Variants in CAMKMT observed in about 807,000 individuals in gnomAD.
CAMKMT encodes the protein calmodulin-lysine N-methyltransferase, also known as CaM KMT.
Under a neutral mutation model 48.0 loss-of-function variants are expected in CAMKMT, and 53 were observed. The observed-to-expected ratio is 1.10, with a 90% CI of 0.89 to 1.39. The LOEUF (loss-of-function observed/expected upper bound fraction) is 1.39, where lower values mean the gene tolerates loss of function less well. Among genes scored for constraint, CAMKMT ranks in the 40% most tolerant of loss-of-function variants. The probability of loss-of-function intolerance (pLI) is 0.00; values close to 1 mark genes in which losing one functional copy is unlikely to be tolerated. For synonymous variants in CAMKMT, 165 were observed against 152.3 expected, an observed-to-expected ratio of 1.08 and a Z score of -0.61; for missense variants, 428 against 402.7, an observed-to-expected ratio of 1.06 and a Z score of -0.54.
intron 3 of CAMKMT, among the ~76,000 whole-genome samples, chr2:44,527,308 T>G (rs1444212469): frequency 6.9e-6 from 1 of 144,364 alleles, no homozygotes; most frequent in Non-Finnish European, 1.5e-5. Flanking sequence ...ACATATATTA[T>G]TATATATTAT....
chr2:44,472,841 T>C (rs920288459), intron 3 of CAMKMT, among the ~76,000 whole-genome samples: 3 of 152,270 alleles, frequency 2.0e-5, no homozygotes, highest in African/African-American at 7.2e-5. Context: ...TATATTTATT[T>C]AGATACATTT....
intron 3 of CAMKMT, among the ~76,000 whole-genome samples, chr2:44,397,865 T>C (rs192453480): frequency 7.7e-4 from 118 of 152,328 alleles, no homozygotes; most frequent in African/African-American, 2.7e-3. Context: ...CCTTTGTAGA[T>C]TCATATGCCT....
intron 3 of CAMKMT, among the ~76,000 whole-genome samples, chr2:44,459,890 G>A (rs1283410268): frequency 1.3e-5 from 2 of 152,174 alleles, no homozygotes; most frequent in East Asian, 3.9e-4. Context: ...GGGTGCTGGG[G>A]ATGGTAGTTA....
At chr2:44,674,125 A>G (rs919188117) in intron 3 of CAMKMT, among the ~76,000 whole-genome samples, 3 of 152,230 alleles carry the variant, frequency 2.0e-5, no homozygotes, top group African/African-American at 7.2e-5. Flanking sequence ...ACTAAATTTG[A>G]CGTTCCTGTC....
At chr2:44,412,518 G>T (rs997811723) in intron 3 of CAMKMT, among the ~76,000 whole-genome samples, 1 of 151,930 alleles carries the variant, frequency 6.6e-6, no homozygotes, top group Admixed American at 6.6e-5. Context: ...TGTATTTTTA[G>T]TAGAGACAGC....
intron 2 of CAMKMT, among the ~76,000 whole-genome samples, chr2:44,375,754 A>G (rs1320880079): frequency 2.6e-5 from 4 of 151,872 alleles, no homozygotes; most frequent in East Asian, 3.9e-4. Flanking sequence ...TTATCAATAT[A>G]TATTATATGG....
At chr2:44,404,453 A>G (rs6650794) in intron 3 of CAMKMT, among the ~76,000 whole-genome samples, 2 of 151,988 alleles carry the variant, frequency 1.3e-5, no homozygotes, top group Non-Finnish European at 2.9e-5. Context: ...TCCCCTCCAG[A>G]TATCTTTTGC....
chr2:44,585,768 G>A (rs181306069), intron 3 of CAMKMT, among the ~76,000 whole-genome samples: 1 of 152,302 alleles, frequency 6.6e-6, no homozygotes, highest in Non-Finnish European at 1.5e-5. Flanking sequence ...GATGGGAACA[G>A]CTAGGCCATA....
At chr2:44,567,018 G>A (rs1572817485) in intron 3 of CAMKMT, among the ~76,000 whole-genome samples, 1 of 152,260 alleles carries the variant, frequency 6.6e-6, no homozygotes, top group East Asian at 1.9e-4. Flanking sequence ...AAGCTTGGGG[G>A]AAAAGAATAG....
At chr2:44,723,374 C>G (rs1434918188) in intron 7 of CAMKMT, among the ~76,000 whole-genome samples, 2 of 151,996 alleles carry the variant, frequency 1.3e-5, no homozygotes, top group African/African-American at 4.8e-5. Context: ...GGGTGGATCA[C>G]GAAGTTGGGA....
rs1266867293 is a variant in CAMKMT, at chr2:44,530,012, CA to C, written c.376+139712del. 2.0e-5 allele frequency among the ~76,000 whole-genome samples: 3 copies of C among 152,040 alleles called. No homozygotes were observed. In the East Asian group the frequency reaches 5.8e-4, roughly 29 times the overall value. Reference sequence around the variant, plus strand: ...AAACCTGTCAGGTATTTATGAATAGCAAAAATTAATTTCCCCTAGTTCTGTC... The same window carrying C: ...AAACCTGTCAGGTATTTATGAATAGCAAAATTAATTTCCCCTAGTTCTGTC... On this transcript the variant is annotated intron_variant, in intron 3 of 10. Coordinates refer to ENST00000378494, the MANE Select transcript of CAMKMT (RefSeq NM_024766.5).
intron 3 of CAMKMT, among the ~76,000 whole-genome samples, chr2:44,650,879 G>C (rs754875976): frequency 6.6e-6 from 1 of 151,152 alleles, no homozygotes; most frequent in African/African-American, 2.4e-5. Flanking sequence ...GGAAATGACA[G>C]ACTGGAAACA....
chr2:44,372,466 C>CAA (rs35734499), intron 1 of CAMKMT, among the ~76,000 whole-genome samples: 2 of 136,406 alleles, frequency 1.5e-5, no homozygotes, highest in Non-Finnish European at 3.1e-5. Flanking sequence ...GATCCTGTCT[C>CAA]AAAAAAAAAA....
intron 7 of CAMKMT, among the ~76,000 whole-genome samples, chr2:44,723,407 A>G (rs1226885839): frequency 6.6e-6 from 1 of 152,072 alleles, no homozygotes; most frequent in African/African-American, 2.4e-5. Flanking sequence ...CGTGGCCAAC[A>G]TGGTGAAACC....
chr2:44,567,112 A>G (rs1668656207), intron 3 of CAMKMT, among the ~76,000 whole-genome samples: 1 of 152,102 alleles, frequency 6.6e-6, no homozygotes, highest in South Asian at 2.1e-4. Context: ...TAGGTTTGTA[A>G]AGAGTGTCAG....
rs185720688 is a variant in CAMKMT at position 44,623,557 on chromosome 2, C to G, written c.377-80726C>G. Among the ~76,000 whole-genome samples, 21 of 152,168 alleles carry G rather than the reference C, an allele frequency of 1.4e-4. No homozygotes were observed. The East Asian group carries it at 3.7e-3, about 27-fold the overall frequency. ...TCTTCAGCATATGATTAGCCTGTTA[C>G]CCCAGCACCATTTATTGAATAGGGA... is the stretch of plus-strand genomic sequence containing the variant. On this transcript the variant is annotated intron_variant, in intron 3 of 10. Transcript: ENST00000378494.
chr2:44,551,811 T>C (rs1394850721), intron 3 of CAMKMT, among the ~76,000 whole-genome samples: 1 of 152,128 alleles, frequency 6.6e-6, no homozygotes, highest in Non-Finnish European at 1.5e-5. Context: ...TTCATAATAG[T>C]CCTGAGAATC....
At chr2:44,557,474 G>A (rs1668076172) in intron 3 of CAMKMT, among the ~76,000 whole-genome samples, 1 of 152,080 alleles carries the variant, frequency 6.6e-6, no homozygotes, top group African/African-American at 2.4e-5. Context: ...TTGAGGAAGG[G>A]GAATATTAGT....
chr2:44,691,123 G>A (rs1676630483), intron 3 of CAMKMT, among the ~76,000 whole-genome samples: 2 of 152,202 alleles, frequency 1.3e-5, no homozygotes, highest in Admixed American at 1.3e-4. Context: ...GAAGTTAAAT[G>A]ACTTGCTGAG....
Sources: allele counts gnomAD v4.1 joint callset (sites outside exome capture counted in the v4.1 genomes callset), GRCh38; gene constraint gnomAD v4.1.1; transcripts MANE v1.5; gene names NCBI Gene and HGNC (gene_info 2026-07-23, HGNC 2026-07-21).